The following BNIP3L variants were observed in gnomAD, a reference collection of about 807,000 sequenced individuals.
BNIP3L encodes BCL2/adenovirus E1B 19 kDa protein-interacting protein 3-like.
Under a neutral mutation model 25.5 loss-of-function variants are expected in BNIP3L, and 10 were observed. That is an observed-to-expected ratio of 0.39 (90% CI 0.24 to 0.67). BNIP3L has a LOEUF of 0.67. Ranked by LOEUF, BNIP3L falls within the 30% of genes least tolerant of loss-of-function variation. BNIP3L has a pLI of 0.45. For missense variants in BNIP3L, 215 were observed against 270.9 expected (o/e 0.79, Z 1.45); for synonymous variants, 113 against 101.2 (o/e 1.12, Z -0.70).
intron 1 of BNIP3L, among the ~76,000 whole-genome samples, chr8:26,383,909 T>A (rs1805921168): frequency 6.6e-6 from 1 of 152,042 alleles, no homozygotes; most frequent in Admixed American, 6.6e-5. Context: ...TTTTTTTTTT[T>A]TAAAGCGATG....
chr8:26,403,973 G>A, intron 3 of BNIP3L, among the ~76,000 whole-genome samples: 1 of 152,308 alleles, frequency 6.6e-6, no homozygotes, highest in Non-Finnish European at 1.5e-5. Context: ...TTCAAAGCAG[G>A]TCTGAGTCTG....
At chr8:26,383,491 C>A (rs1805904450) in intron 1 of BNIP3L, 15 of 1,201,794 alleles carry the variant, frequency 1.2e-5, no homozygotes, top group Non-Finnish European at 1.5e-5. Context: ...AGCGCGGATC[C>A]CCCTGGTGCG....
At chr8:26,405,086 A>G (rs1806470008) in intron 3 of BNIP3L, among the ~76,000 whole-genome samples, 1 of 152,236 alleles carries the variant, frequency 6.6e-6, no homozygotes, top group African/African-American at 2.4e-5. Flanking sequence ...ACACTTGTCC[A>G]GAGATAACTT....
chr8:26,386,497 C>T (rs922946838), intron 1 of BNIP3L, among the ~76,000 whole-genome samples: 4 of 151,972 alleles, frequency 2.6e-5, no homozygotes, highest in Admixed American at 1.3e-4. Flanking sequence ...TGCAGTGGTA[C>T]AGTCATAGCT....
intron 1 of BNIP3L, among the ~76,000 whole-genome samples, chr8:26,384,105 A>T (rs750652799): frequency 6.6e-6 from 1 of 152,182 alleles, no homozygotes; most frequent in South Asian, 2.1e-4. Flanking sequence ...CTGCCCAGAC[A>T]TCTTGTCCTC....
chr8:26,390,640 T>G, intron 1 of BNIP3L: 1 of 815,918 alleles, frequency 1.2e-6, no homozygotes, highest in Non-Finnish European at 1.5e-6. Flanking sequence ...TTACCTGATT[T>G]AGTTAACCAG....
rs891573170 is a variant in BNIP3L at position 26,398,837 on chromosome 8, G to A, written c.357+3535G>A. Among the ~76,000 whole-genome samples the A allele has an allele frequency of 4.3e-4, 66 of 152,146 alleles. 1 individual carries two copies. The highest frequency in any genetic ancestry group is 1.2e-3 in the African/African-American group (48 of 41,514). ...TCTGGAAGAAATGGATACATTCCTC[G>A]ACACATACACTCTCCCAAGACTAAA... is the stretch of plus-strand genomic sequence containing the variant. On this transcript the variant is annotated intron_variant, in intron 3 of 5. Coordinates refer to ENST00000380629, the MANE Select transcript of BNIP3L (RefSeq NM_004331.3).
At position 26,408,014 on chromosome 8, in the gene BNIP3L, T is replaced by A. The variant is rs1806538502; in HGVS notation, c.372T>A (p.Val124=). 3 of 1,614,182 alleles carry A rather than the reference T, an allele frequency of 1.9e-6. No individual in the cohort carries two copies. Among genetic ancestry groups the A allele is most frequent in the Middle Eastern group, 3.3e-4 (2 of 6,062 alleles). Residue 124 remains valine, a synonymous_variant, in exon 4 of 6, where the codon GTT becomes GTA. Transcript: ENST00000380629. ...CTTCTTTACAGTCAGAAGAAGAAGT[T>A]GTAGAAGGAGAGAAGGAAGTCGAGG... is the stretch of plus-strand genomic sequence containing the variant. ...RDHSSQSEEE[V]VEGEKEVEAL...
intron 3 of BNIP3L, among the ~76,000 whole-genome samples, chr8:26,403,831 C>G (rs1806442939): frequency 6.6e-6 from 1 of 152,078 alleles, no homozygotes; most frequent in African/African-American, 2.4e-5. Flanking sequence ...TGAGTTACTA[C>G]TCCCACCTCT....
At chr8:26,404,635 G>A (rs1806459225) in intron 3 of BNIP3L, among the ~76,000 whole-genome samples, 1 of 152,190 alleles carries the variant, frequency 6.6e-6, no homozygotes, top group Non-Finnish European at 1.5e-5. Flanking sequence ...AGCTGCCCAA[G>A]AAGCTGGGAT....
intron 3 of BNIP3L, among the ~76,000 whole-genome samples, chr8:26,404,750 C>T (rs148338643): frequency 0.038 from 5,790 of 152,280 alleles, 169 homozygotes; most frequent in South Asian, 0.12. Flanking sequence ...TCAAGTGATC[C>T]GTCCACCTCG....
rs1585431711 is a variant in BNIP3L, at chr8:26,391,429, A to G, written c.284+3A>G. 6 of 1,535,260 alleles carry G rather than the reference A, an allele frequency of 3.9e-6. No individual in the cohort carries two copies. The East Asian group carries it at 1.2e-4, about 31-fold the overall frequency. On this transcript the variant is annotated splice_donor_region_variant and intron_variant, in intron 2 of 5. Coordinates refer to ENST00000380629, the MANE Select transcript of BNIP3L (RefSeq NM_004331.3). ...AGAGGCAGTTCTCACTGTGACAGGT[A>G]AGTGAGACCCATGTTTTGGTGGAAT...
At chr8:26,406,803 A>G (rs1585440806) in intron 3 of BNIP3L, among the ~76,000 whole-genome samples, 1 of 148,490 alleles carries the variant, frequency 6.7e-6, no homozygotes, top group Admixed American at 6.8e-5. Context: ...GACACAGGAG[A>G]CCCTGTCTCC....
At chr8:26,395,364 T>C (rs1307684091) in intron 3 of BNIP3L, 62 bp downstream of exon 3, 1 of 1,534,016 alleles carries the variant, frequency 6.5e-7, no homozygotes, top group Non-Finnish European at 8.9e-7. Flanking sequence ...TCTCTAAGTA[T>C]ATTTTGCTAA....
intron 3 of BNIP3L, among the ~76,000 whole-genome samples, chr8:26,400,962 TTGG>T (rs1261476335): frequency 4.3e-5 from 6 of 139,244 alleles, no homozygotes; most frequent in African/African-American, 1.6e-4. Context: ...TTTTACACTG[TTGG>T]TGGGACTGTA....
At chr8:26,383,434 C>T (rs1198220476) in intron 1 of BNIP3L, 6 of 1,386,326 alleles carry the variant, frequency 4.3e-6, no homozygotes, top group Non-Finnish European at 4.7e-6. Context: ...CTCCTGGGGT[C>T]TTGGGCCCGG....
rs1249113045 is a variant in BNIP3L at position 26,411,051 on chromosome 8, C to G, written c.*639C>G. On this transcript the variant is annotated 3_prime_UTR_variant, in exon 6 of 6. Coordinates refer to ENST00000380629, the MANE Select transcript of BNIP3L (RefSeq NM_004331.3). ...ATAGCGTCTTTTAATTTATAGGAGG[C>G]AAACTGTATAAATGATAGGTATGAA... is the stretch of plus-strand genomic sequence containing the variant. 3 of 152,344 alleles carry G rather than the reference C, an allele frequency of 2.0e-5. No homozygotes were observed. Among genetic ancestry groups the G allele is most frequent in the Non-Finnish European group, 4.4e-5 (3 of 68,214 alleles). 9.4% of individuals were successfully genotyped at this position (152,344 alleles called of 1,614,324 possible).
chr8:26,393,404 C>G (rs756300307), intron 2 of BNIP3L, among the ~76,000 whole-genome samples: 4 of 147,152 alleles, frequency 2.7e-5, no homozygotes, highest in Non-Finnish European at 5.9e-5. Flanking sequence ...ACACTAGATT[C>G]ACCCAGAAGC....
At chr8:26,395,837 C>G (rs1364742971) in intron 3 of BNIP3L, 1 of 158,066 alleles carries the variant, frequency 6.3e-6, no homozygotes, top group East Asian at 1.9e-4. Context: ...AGGGAGTTCC[C>G]TTTCCGAGTC....
Sources: gnomAD v4.1 joint callset for allele counts (sites outside exome capture counted in the v4.1 genomes callset) on GRCh38, gnomAD v4.1.1 for gene constraint, MANE v1.5 for transcripts, NCBI Gene and HGNC (gene_info 2026-07-23, HGNC 2026-07-21) for gene names.